TDRD12: variants seen among roughly 807,000 people sequenced by gnomAD.
TDRD12 encodes putative ATP-dependent RNA helicase TDRD12.
A neutral mutation model predicts 133.5 loss-of-function variants in TDRD12; 158 were observed. The observed-to-expected ratio is 1.18, with a 90% CI of 1.04 to 1.35. TDRD12 has a LOEUF of 1.35. TDRD12 is among the 40% of genes most tolerant of loss of function. The pLI, the probability that TDRD12 is intolerant of heterozygous loss-of-function variation, is 0.00. For missense variants in TDRD12, 1,443 were observed against 1,321.3 expected, an observed-to-expected ratio of 1.09 and a Z score of -1.43; for synonymous variants, 460 against 477.9, an observed-to-expected ratio of 0.96 and a Z score of 0.49.
At chr19:32,818,265 G>C in intron 27 of TDRD12, 108 bp downstream of exon 27, 1 of 619,778 alleles carries the variant, frequency 1.6e-6, no homozygotes, top group East Asian at 2.7e-5. Context: ...ACGGGCCGAG[G>C]GAAGGACTGG....
chr19:32,733,068 G>A (rs1287199189), intron 2 of TDRD12, among the ~76,000 whole-genome samples: 1 of 152,202 alleles, frequency 6.6e-6, no homozygotes, highest in African/African-American at 2.4e-5. Context: ...AGCTACTCTG[G>A]AGGCTAAGGC....
intron 21 of TDRD12, among the ~76,000 whole-genome samples, chr19:32,806,210 G>C (rs1334925969): frequency 6.6e-6 from 1 of 152,122 alleles, no homozygotes; most frequent in Non-Finnish European, 1.5e-5. Flanking sequence ...CTGAGGCTGG[G>C]GCATGGGTGC....
At chr19:32,778,738 G>A (rs192077694) in intron 11 of TDRD12, among the ~76,000 whole-genome samples, 258 of 152,300 alleles carry the variant, frequency 1.7e-3, no homozygotes, top group Non-Finnish European at 3.1e-3. Context: ...GACCTCAGGT[G>A]ATCCGCCCAC....
At chr19:32,724,728 G>A (rs1473153448) in intron 1 of TDRD12, among the ~76,000 whole-genome samples, 1 of 152,042 alleles carries the variant, frequency 6.6e-6, no homozygotes, top group South Asian at 2.1e-4. Context: ...ATTCCTTTTG[G>A]TATATACCCA....
At chr19:32,828,627 CA>C (rs1414503023) in exon 10 of TDRD12, 2 of 152,222 alleles carry the variant, frequency 1.3e-5, no homozygotes, top group Admixed American at 6.5e-5. Flanking sequence ...TTTTTTGTAT[CA>C]GAAAGCGCCA....
chr19:32,729,429 G>T (rs1968970172), intron 1 of TDRD12, among the ~76,000 whole-genome samples: 1 of 151,374 alleles, frequency 6.6e-6, no homozygotes, highest in Non-Finnish European at 1.5e-5. Context: ...GTGTTAGCTA[G>T]GATGGTCTCG....
exon 17 of TDRD12, chr19:32,800,169 G>A (rs1971344496): frequency 1.4e-6 from 2 of 1,452,014 alleles, no homozygotes; most frequent in Non-Finnish European, 1.8e-6. Flanking sequence ...TTTTTCAGAT[G>A]TTTGCTATAT....
intron 1 of TDRD12, among the ~76,000 whole-genome samples, chr19:32,721,033 C>T (rs1264155549): frequency 6.6e-6 from 1 of 152,034 alleles, no homozygotes; most frequent in Non-Finnish European, 1.5e-5. Flanking sequence ...TTAGGCTCGG[C>T]GCCTGGACAG....
chr19:32,750,634 T>G (rs903957439), intron 6 of TDRD12, among the ~76,000 whole-genome samples: 2 of 152,134 alleles, frequency 1.3e-5, no homozygotes, highest in Non-Finnish European at 2.9e-5. Context: ...CCGGCTGATT[T>G]CCTTTTTCTG....
At chr19:32,751,462 C>G (rs1568458815) in intron 6 of TDRD12, among the ~76,000 whole-genome samples, 1 of 152,078 alleles carries the variant, frequency 6.6e-6, no homozygotes, top group Non-Finnish European at 1.5e-5. Context: ...TGCAGATAGC[C>G]ATTTCATCAA....
intron 14 of TDRD12, among the ~76,000 whole-genome samples, chr19:32,795,369 A>G (rs1329937528): frequency 6.6e-6 from 1 of 151,880 alleles, no homozygotes; most frequent in Non-Finnish European, 1.5e-5. Context: ...AAAAGAAAAA[A>G]TGGATATCGA....
chr19:32,772,319 T>A (rs1268484242), intron 8 of TDRD12, among the ~76,000 whole-genome samples: 1 of 152,156 alleles, frequency 6.6e-6, no homozygotes, highest in Non-Finnish European at 1.5e-5. Context: ...CTTTTCGTAA[T>A]GTCACTTTAG....
chr19:32,790,828 C>A, intron 12 of TDRD12, 136 bp from the exon 13 acceptor site: 1 of 1,362,456 alleles, frequency 7.3e-7, no homozygotes, highest in Non-Finnish European at 9.7e-7. Context: ...TTTTTTTTTT[C>A]TTTTTTTTTA....
chr19:32,817,750 CCT>C (rs577725413), intron 26 of TDRD12, among the ~76,000 whole-genome samples: 13 of 151,490 alleles, frequency 8.6e-5, no homozygotes, highest in Non-Finnish European at 1.2e-4. Flanking sequence ...TTCTCCATGT[CCT>C]CTCCTTGACC....
intron 3 of TDRD12, 93 bp downstream of exon 3, chr19:32,739,085 C>A: frequency 7.0e-7 from 1 of 1,430,374 alleles, no homozygotes. Context: ...GGCTAGAGGT[C>A]ACTACACTGA....
chr19:32,778,221 A>G (rs1330688967), intron 11 of TDRD12, among the ~76,000 whole-genome samples: 1 of 151,712 alleles, frequency 6.6e-6, no homozygotes, highest in Non-Finnish European at 1.5e-5. Flanking sequence ...GGCCATGCTG[A>G]TGACCTGCCA....
At chr19:32,822,746 C>CAAAAAA (rs61143161), downstream of TDRD12, among the ~76,000 whole-genome samples, 34 of 139,814 alleles carry the variant, frequency 2.4e-4, no homozygotes, top group East Asian at 2.1e-4. Flanking sequence ...GACTCCATCT[C>CAAAAAA]AAAAAAAAAA....
chr19:32,800,831 C>T, intron 18 of TDRD12, 59 bp downstream of exon 18: 1 of 1,445,806 alleles, frequency 6.9e-7, no homozygotes, highest in South Asian at 1.5e-5. Flanking sequence ...AATCTCAAGT[C>T]ATCACAAAAT....
intron 1 of TDRD12, among the ~76,000 whole-genome samples, chr19:32,727,657 C>CATTTTT (rs1040665821): frequency 6.6e-6 from 1 of 152,116 alleles, no homozygotes; most frequent in South Asian, 2.1e-4. Flanking sequence ...TTTATTCTTT[C>CATTTTT]ATTTTTATTT....
Sources: allele counts gnomAD v4.1 joint callset (sites outside exome capture counted in the v4.1 genomes callset), GRCh38; gene constraint gnomAD v4.1.1; transcripts MANE v1.5; gene names NCBI Gene and HGNC (gene_info 2026-07-23, HGNC 2026-07-21).